MYT1L: variants seen among roughly 807,000 people sequenced by gnomAD.
MYT1L encodes the protein myelin transcription factor 1-like protein.
A neutral mutation model predicts 126.7 loss-of-function variants in MYT1L; 12 were observed. That is an observed-to-expected ratio of 0.09 (90% CI 0.06 to 0.15). The LOEUF is 0.15. Among genes scored for constraint, MYT1L ranks in the 10% least tolerant of loss-of-function variants. The pLI is 1.00. For synonymous variants in MYT1L, 541 were observed against 604.2 expected (o/e 0.90, Z 1.53); for missense variants, 979 against 1,585.2 (o/e 0.62, Z 6.49).
intron 2 of MYT1L, among the ~76,000 whole-genome samples, chr2:2,214,446 G>A (rs534577935): frequency 2.6e-5 from 4 of 151,822 alleles, no homozygotes; most frequent in East Asian, 3.9e-4. Context: ...CGAAACCAGC[G>A]ACAAACAGGA....
chr2:1,797,516 G>C (rs1032699515), intron 23 of MYT1L, among the ~76,000 whole-genome samples: 1 of 152,180 alleles, frequency 6.6e-6, no homozygotes, highest in African/African-American at 2.4e-5. Context: ...CACTGTGCCC[G>C]GCCAGGGGCC....
rs529447673 is a variant in MYT1L, at chr2:1,914,974, T to C, written c.1618+2231A>G. Among the ~76,000 whole-genome samples, 4 of 151,898 alleles carry C rather than the reference T, an allele frequency of 2.6e-5. No homozygotes were observed. The East Asian group carries it at 7.9e-4, about 30-fold the overall frequency. On this transcript the variant is annotated intron_variant, in intron 11 of 24. Coordinates refer to ENST00000647738, the MANE Select transcript of MYT1L (RefSeq NM_001303052.2). ...GCGGCCTTGGGGGCCCTGGGAGCAG[T>C]TCTCCATCCCGCCTAGACCATGCTG...
chr2:2,186,152 C>T (rs1279411001), intron 2 of MYT1L, among the ~76,000 whole-genome samples: 3 of 138,282 alleles, frequency 2.2e-5, no homozygotes, highest in Non-Finnish European at 4.6e-5. Flanking sequence ...CGCAGCCGGG[C>T]CTCCCAGACG....
chr2:2,233,000 G>T (rs1292076921), intron 2 of MYT1L, among the ~76,000 whole-genome samples: 1 of 152,142 alleles, frequency 6.6e-6, no homozygotes, highest in East Asian at 1.9e-4. Flanking sequence ...TCACTGGGCC[G>T]ATTGGATGTA....
At chr2:1,854,783 A>T (rs1352481994) in intron 18 of MYT1L, among the ~76,000 whole-genome samples, 1 of 152,172 alleles carries the variant, frequency 6.6e-6, no homozygotes, top group African/African-American at 2.4e-5. Context: ...GTTTGGCCCG[A>T]GAAGGCTCAC....
chr2:2,070,402 C>G (rs1315013355), intron 3 of MYT1L, among the ~76,000 whole-genome samples: 2 of 152,188 alleles, frequency 1.3e-5, no homozygotes, highest in East Asian at 3.9e-4. Flanking sequence ...GTGGGGGAAG[C>G]CACTCTTGCT....
At position 1,925,914 on chromosome 2, in the gene MYT1L, T is replaced by TG. The variant is rs1342275396; in HGVS notation, c.506-2652dup. Among the ~76,000 whole-genome samples the TG allele has an allele frequency of 3.3e-5, 5 of 152,284 alleles. No individual in the cohort carries two copies. In the East Asian group the frequency reaches 9.7e-4, roughly 29 times the overall value. On this transcript the variant is annotated intron_variant, in intron 9 of 24. Transcript: ENST00000647738. The stretch of plus-strand genomic sequence containing the variant: ...TTTGTCAGATCTCCTACAAGAACCA[T>TG]GTCACAGGATATGCCTCCTAAAGAC...
intron 4 of MYT1L, among the ~76,000 whole-genome samples, chr2:2,011,275 G>A (rs1452257053): frequency 1.3e-5 from 2 of 152,000 alleles, no homozygotes; most frequent in East Asian, 1.9e-4. Context: ...CCTGTAATCC[G>A]AACTACCATG....
chr2:2,276,974 CT>C (rs35676047), intron 2 of MYT1L, among the ~76,000 whole-genome samples: 1 of 150,548 alleles, frequency 6.6e-6, no homozygotes, highest in Non-Finnish European at 1.5e-5. Flanking sequence ...CCGATTGATT[CT>C]TTTTTTTTCT....
intron 3 of MYT1L, among the ~76,000 whole-genome samples, chr2:2,140,432 C>CTTTTTTTTTTTTTTTTTTTTT (rs35297300): frequency 8.9e-6 from 1 of 112,972 alleles, no homozygotes; most frequent in East Asian, 2.4e-4. Context: ...CTTTCTTTTT[C>CTTTTTTTTTTTTTTTTTTTTT]TTTTTTTTTT....
At chr2:1,939,636 T>C (rs1375226926) in intron 9 of MYT1L, among the ~76,000 whole-genome samples, 1 of 152,260 alleles carries the variant, frequency 6.6e-6, no homozygotes, top group Admixed American at 6.5e-5. Context: ...GGCTGATGTA[T>C]GCCTTTCAAA....
rs896033507 is a variant in MYT1L, at chr2:1,792,092, T to C, written c.3421-85A>G. 1.6e-5 allele frequency: 20 copies of C among 1,254,140 alleles called. No homozygotes were observed. In the African/African-American group the frequency reaches 2.0e-4, roughly 12 times the overall value. 77.7% of individuals were successfully genotyped at this position (1,254,140 alleles called of 1,614,324 possible). A position where few individuals can be genotyped will look rare whatever the true frequency, so the allele number is the denominator to read the frequency against. ...AAAAGCATAAAATAGTATCATAGCATAGTGCCCCTGGTTTTATACTATTTC... is the reference window on the plus strand; with the variant it reads ...AAAAGCATAAAATAGTATCATAGCACAGTGCCCCTGGTTTTATACTATTTC... On this transcript the variant is annotated intron_variant, in intron 24 of 24. Coordinates refer to ENST00000647738, the MANE Select transcript of MYT1L (RefSeq NM_001303052.2).
intron 4 of MYT1L, among the ~76,000 whole-genome samples, chr2:2,020,278 C>T (rs1241772846): frequency 6.6e-6 from 1 of 152,214 alleles, no homozygotes; most frequent in Admixed American, 6.5e-5. Flanking sequence ...TTTCACCAAA[C>T]ACTCAATACT....
chr2:1,915,288 A>G (rs116358009), intron 11 of MYT1L, among the ~76,000 whole-genome samples: 1,941 of 152,334 alleles, frequency 0.013, 15 homozygotes, highest in Non-Finnish European at 0.019. Flanking sequence ...AGAATCGCAC[A>G]GGAGCAAAGG....
At chr2:2,140,575 C>A (rs1275862314) in intron 3 of MYT1L, among the ~76,000 whole-genome samples, 1 of 151,826 alleles carries the variant, frequency 6.6e-6, no homozygotes, top group East Asian at 1.9e-4. Context: ...GCTGGGACTA[C>A]AGGTGCCCGC....
At chr2:2,110,963 G>T (rs1321247850) in intron 3 of MYT1L, among the ~76,000 whole-genome samples, 1 of 152,196 alleles carries the variant, frequency 6.6e-6, no homozygotes, top group Non-Finnish European at 1.5e-5. Flanking sequence ...AGCACGCAGG[G>T]TGGCCCTTCC....
At chr2:2,185,591 A>AGGCCTTCCG (rs2092040149) in intron 2 of MYT1L, among the ~76,000 whole-genome samples, 1 of 99,918 alleles carries the variant, frequency 1.0e-5, no homozygotes, top group Non-Finnish European at 2.0e-5. Flanking sequence ...GGACGCAGCC[A>AGGCCTTCCG]GGCCTTCCGG....
intron 21 of MYT1L, among the ~76,000 whole-genome samples, chr2:1,812,800 C>T (rs556207508): frequency 2.1e-5 from 3 of 143,612 alleles, no homozygotes; most frequent in South Asian, 4.8e-4. Context: ...CTCTTGAACC[C>T]GGGAGGCAGA....
chr2:2,327,016 A>G (rs1177788102), intron 1 of MYT1L: 1 of 152,216 alleles, frequency 6.6e-6, no homozygotes, highest in Non-Finnish European at 1.5e-5. Flanking sequence ...ACCACATTGC[A>G]TTGAAATAGC....
Sources: gnomAD v4.1 joint callset for allele counts (sites outside exome capture counted in the v4.1 genomes callset) on GRCh38, gnomAD v4.1.1 for gene constraint, MANE v1.5 for transcripts, NCBI Gene and HGNC (gene_info 2026-07-23, HGNC 2026-07-21) for gene names.